The following SMARCA2 variants were observed in gnomAD, a reference collection of about 807,000 sequenced individuals.
SMARCA2 encodes SWI/SNF related BAF chromatin remodeling complex subunit ATPase 2, also known as SWI/SNF-related matrix-associated actin-dependent regulator of chromatin subfamily A member 2.
Under a neutral mutation model 199.8 loss-of-function variants are expected in SMARCA2, and 61 were observed. The ratio of observed to expected loss-of-function variants is 0.31; its 90% confidence interval spans 0.25 to 0.38. The LOEUF (loss-of-function observed/expected upper bound fraction) is 0.38, where lower values mean the gene tolerates loss of function less well. Among genes scored for constraint, SMARCA2 ranks in the 10% least tolerant of loss-of-function variants. SMARCA2 has a pLI of 1.00. For missense variants in SMARCA2, 1,344 were observed against 2,012.2 expected (o/e 0.67, Z 6.35); for synonymous variants, 935 against 732.0 (o/e 1.28, Z -4.48).
chr9:2,072,919 G>C (rs1359560074), intron 10 of SMARCA2, among the ~76,000 whole-genome samples: 3 of 152,212 alleles, frequency 2.0e-5, no homozygotes, highest in Non-Finnish European at 2.9e-5. Flanking sequence ...CGGTGCACCT[G>C]TTGGTTTCCA....
chr9:2,155,758 T>C (rs865804433), intron 27 of SMARCA2, among the ~76,000 whole-genome samples: 900 of 82,516 alleles, frequency 0.011, 18 homozygotes, highest in African/African-American at 0.039. Flanking sequence ...TTTTTTTTTT[T>C]CAAAAGTGAT....
chr9:2,029,213 A>T lies in SMARCA2; in HGVS notation c.191A>T (p.Asp64Val). 1 of 1,612,890 alleles carries T rather than the reference A, an allele frequency of 6.2e-7. No homozygotes were observed. The highest frequency in any genetic ancestry group is 8.5e-7 in the Non-Finnish European group (1 of 1,179,404). Residue 64 changes from aspartate to valine, a missense_variant, in exon 2 of 34, where the codon GAC becomes GTC. By Grantham distance (152) the Asp-to-Val change is radical. Around this residue, in one of 18 missense-constraint regions of SMARCA2, gnomAD observed 275 missense variants for 247.5 expected, o/e 1.11. Transcript: ENST00000349721. ...SHPMPTMGST[D>V]FPQEGMHQMH... is the part of the protein sequence containing the mutation. ...CCTATGCCGACGATGGGGTCCACAG[A>T]CTTCCCACAGGAAGGCATGCATCAA...
In SMARCA2 at chr9:2,130,376, T is replaced by C. The variant is rs539379427; in HGVS notation, c.3981+6439T>C. Reference sequence around the variant, plus strand: ...TGTCGTGGCCGAGTGGTTAAGGCGATAGATGAGAATCCCAGTCCGCTAGGT... The same window carrying C: ...TGTCGTGGCCGAGTGGTTAAGGCGACAGATGAGAATCCCAGTCCGCTAGGT... On this transcript the variant is annotated intron_variant, in intron 27 of 33. Coordinates refer to ENST00000349721, the MANE Select transcript of SMARCA2 (RefSeq NM_003070.5). Among the ~76,000 whole-genome samples, 12 of 152,278 alleles carry C rather than the reference T, an allele frequency of 7.9e-5. No homozygotes were observed. The South Asian group carries it at 2.5e-3, about 32-fold the overall frequency.
intron 27 of SMARCA2, chr9:2,158,947 C>G: frequency 6.2e-7 from 1 of 1,611,818 alleles, no homozygotes; most frequent in Non-Finnish European, 8.5e-7. Context: ...CTCTGCATTC[C>G]TGCATAAAAC....
intron 14 of SMARCA2, among the ~76,000 whole-genome samples, chr9:2,079,254 A>T (rs1821460475): frequency 6.6e-6 from 1 of 152,154 alleles, no homozygotes; most frequent in Non-Finnish European, 1.5e-5. Flanking sequence ...CTTCTTTAAC[A>T]TTGTTTAACT....
intron 28 of SMARCA2, among the ~76,000 whole-genome samples, chr9:2,162,332 C>G (rs1307527872): frequency 6.6e-6 from 1 of 152,042 alleles, no homozygotes; most frequent in Non-Finnish European, 1.5e-5. Context: ...AAAATAGATG[C>G]TTCATAGTAA....
At chr9:2,184,288 C>T (rs552265209) in intron 31 of SMARCA2, among the ~76,000 whole-genome samples, 24 of 151,846 alleles carry the variant, frequency 1.6e-4, no homozygotes, top group Middle Eastern at 3.4e-3. Flanking sequence ...AGATACAGTA[C>T]AGAGAGATTC....
Position 2,059,761 on chromosome 9 carries a change from C to G in SMARCA2, c.1522-1055C>G, listed in dbSNP as rs377133320. On this transcript the variant is annotated intron_variant, in intron 8 of 33. Coordinates refer to ENST00000349721, the MANE Select transcript of SMARCA2 (RefSeq NM_003070.5). ...ACGGCAGCTAGACTGAGTGATGAAGCTGCTGTCACTCAGGCAGATGCTAGA... is the reference window on the plus strand; with the variant it reads ...ACGGCAGCTAGACTGAGTGATGAAGGTGCTGTCACTCAGGCAGATGCTAGA... 1.8e-4 allele frequency among the ~76,000 whole-genome samples: 28 copies of G among 152,290 alleles called. No homozygotes were observed. The South Asian group carries it at 3.7e-3, about 20-fold the overall frequency.
At chr9:2,021,406 C>G (rs993178421) in intron 1 of SMARCA2, among the ~76,000 whole-genome samples, 5 of 152,236 alleles carry the variant, frequency 3.3e-5, no homozygotes, top group Middle Eastern at 3.4e-3. Context: ...TACAGGTTAT[C>G]CAAGGGAAAT....
In SMARCA2 at chr9:2,155,244, A is replaced by G. The variant is rs575614092; in HGVS notation, c.3982-6442A>G. 1.3e-4 allele frequency among the ~76,000 whole-genome samples: 20 copies of G among 152,260 alleles called. No individual in the cohort carries two copies. The South Asian group carries it at 3.7e-3, about 28-fold the overall frequency. On this transcript the variant is annotated intron_variant, in intron 27 of 33. Transcript: ENST00000349721. ...AAAGGTATCAGTCACATGGGTTCTT[A>G]GTTGAACTTATGGCTAAAATAATTT... is the stretch of plus-strand genomic sequence containing the variant.
chr9:2,160,786 T>G, intron 27 of SMARCA2: 1 of 416,324 alleles, frequency 2.4e-6, no homozygotes, highest in Non-Finnish European at 4.3e-6. Context: ...TTAGAAAATT[T>G]CTTTTCTATG....
Position 2,056,602 on chromosome 9 carries a change from GCGAGAAGGC to G in SMARCA2, c.1174-68_1174-60del. On this transcript the variant is annotated intron_variant, in intron 6 of 33. Coordinates refer to ENST00000349721, the MANE Select transcript of SMARCA2 (RefSeq NM_003070.5). This position sits in a 1 kb window ranked among gnomAD's most constrained non-coding sequence, Gnocchi z 4.0. ...CCACTCTATTCCATTAAATGCAACC[GCGAGAAGGC>G]CAGAGTTCAGGAACCTAGCTTCTGT... The G allele has an allele frequency of 7.0e-7, 1 of 1,422,518 alleles. No individual in the cohort carries two copies. The highest frequency in any genetic ancestry group is 9.5e-7 in the Non-Finnish European group (1 of 1,049,624). 88.1% of individuals were successfully genotyped at this position (1,422,518 alleles called of 1,614,324 possible).
At chr9:2,059,222 C>G (rs574727080) in intron 8 of SMARCA2, among the ~76,000 whole-genome samples, 1 of 152,068 alleles carries the variant, frequency 6.6e-6, no homozygotes, top group African/African-American at 2.4e-5. Context: ...CTATCTAGGA[C>G]GTAATGCCTG....
chr9:2,036,226 A>G (rs1819326276), intron 3 of SMARCA2, among the ~76,000 whole-genome samples: 1 of 151,840 alleles, frequency 6.6e-6, no homozygotes, highest in Admixed American at 6.6e-5. Context: ...GTGTAGAGAA[A>G]ATTCATGTAG....
chr9:2,048,885 A>G (rs575705436), intron 5 of SMARCA2, among the ~76,000 whole-genome samples: 4 of 152,338 alleles, frequency 2.6e-5, no homozygotes, highest in Admixed American at 2.6e-4. Flanking sequence ...CATGTGCAAT[A>G]GACTAATGTG....
At chr9:2,099,544 G>A (rs542522247) in intron 21 of SMARCA2, among the ~76,000 whole-genome samples, 3 of 152,260 alleles carry the variant, frequency 2.0e-5, no homozygotes, top group Non-Finnish European at 2.9e-5. Context: ...CATGAAGGAA[G>A]CGAAGTTGAA....
At chr9:2,106,524 G>A (rs1003174669) in intron 23 of SMARCA2, among the ~76,000 whole-genome samples, 4 of 152,154 alleles carry the variant, frequency 2.6e-5, no homozygotes, top group Non-Finnish European at 5.9e-5. Flanking sequence ...TTTAAGGGTG[G>A]ACAGAACTAA....
intron 27 of SMARCA2, chr9:2,158,967 AG>A: frequency 1.2e-6 from 2 of 1,612,222 alleles, no homozygotes; most frequent in Non-Finnish European, 1.7e-6. Flanking sequence ...CCTTAGTTTG[AG>A]GGGAATAATG....
rs111370241 is a variant in SMARCA2 at position 2,102,961 on chromosome 9, GT to G, written c.3126-1026del. Among the ~76,000 whole-genome samples, 597 of 137,446 alleles carry G rather than the reference GT, an allele frequency of 4.3e-3. 1 individual carries two copies. The highest frequency in any genetic ancestry group is 6.7e-3 in the African/African-American group (255 of 38,050). The allele number at this position is 137,446 out of a possible 152,430, so 90.2% of individuals were successfully genotyped here. On this transcript the variant is annotated intron_variant, in intron 22 of 33. Coordinates refer to ENST00000349721, the MANE Select transcript of SMARCA2 (RefSeq NM_003070.5). ...CACTTCTGTTTAAGCCATGCTCCCTGTTTTTTTTTTTTTTTTAATTTCTCAA... is the reference window on the plus strand; with the variant it reads ...CACTTCTGTTTAAGCCATGCTCCCTGTTTTTTTTTTTTTTTAATTTCTCAA...
Sources: allele counts gnomAD v4.1 joint callset (sites outside exome capture counted in the v4.1 genomes callset), GRCh38; gene constraint gnomAD v4.1.1; regional missense constraint gnomAD v4.1.1; non-coding constraint Gnocchi (gnomAD v3.1); transcripts MANE v1.5; gene names NCBI Gene and HGNC (gene_info 2026-07-23, HGNC 2026-07-21).